Variants in TIMM50 observed in about 807,000 individuals in gnomAD.
TIMM50 encodes translocase of inner mitochondrial membrane 50.
TIMM50 carries 34 observed loss-of-function variants against 49.6 expected under a neutral mutation model. The ratio of observed to expected loss-of-function variants is 0.69; its 90% CI spans 0.52 to 0.91. The LOEUF is 0.91. Ranked by LOEUF, TIMM50 falls within the 40% of genes least tolerant of loss-of-function variation. TIMM50 has a pLI of 0.00. For missense variants in TIMM50, 458 were observed against 477.8 expected (o/e 0.96, Z 0.39); for synonymous variants, 199 against 198.4 (o/e 1.00, Z -0.03).
chr19:39,493,120 A>G lies in TIMM50; in HGVS notation c.*3300A>G, dbSNP rs1357732008. 6.6e-6 allele frequency: 1 copy of G among 151,892 alleles called. No homozygotes were observed. The highest frequency in any genetic ancestry group is 2.4e-5 in the African/African-American group (1 of 41,352). The allele number at this position is 151,892 out of a possible 1,614,324, so 9.4% of individuals were successfully genotyped here. A position where few individuals can be genotyped will look rare whatever the true frequency, so the allele number is the denominator to read the frequency against. ...TTTTTTTTTTTTTGAAGCCTCTACA[A>G]AGGATAATTAAAATTTACACCATGA... On this transcript the variant is annotated 3_prime_UTR_variant, in exon 11 of 11. Coordinates refer to ENST00000607714, the MANE Select transcript of TIMM50 (RefSeq NM_001001563.5).
chr19:39,481,785 G>A, intron 1 of TIMM50, 98 bp from the exon 2 acceptor site: 2 of 1,470,058 alleles, frequency 1.4e-6, no homozygotes, highest in Non-Finnish European at 1.8e-6. Context: ...GTGGGTGTCT[G>A]CCTCTTGGCT....
Position 39,489,918 on chromosome 19 carries a change from C to A in TIMM50, c.*98C>A. 8.7e-7 allele frequency: 1 copy of A among 1,146,382 alleles called. No individual in the cohort carries two copies. 71.0% of individuals were successfully genotyped at this position (1,146,382 alleles called of 1,614,324 possible). On this transcript the variant is annotated 3_prime_UTR_variant, in exon 11 of 11. Coordinates refer to ENST00000607714, the MANE Select transcript of TIMM50 (RefSeq NM_001001563.5). ...CTTGTCCAATAAAGTACATCCCAGA[C>A]GCCACACCTGCTGTGTCCCGAGAGT...
intron 10 of TIMM50, 139 bp from the exon 11 acceptor site, chr19:39,489,580 T>G: frequency 1.3e-6 from 1 of 797,300 alleles, no homozygotes; most frequent in Non-Finnish European, 1.9e-6. Flanking sequence ...GGCCCCAGGG[T>G]TTGGGGAAAG....
intron 4 of TIMM50, chr19:39,483,375 G>GT: frequency 4.4e-6 from 2 of 454,904 alleles, no homozygotes; most frequent in Non-Finnish European, 8.1e-6. Context: ...ACAGATGGGG[G>GT]ATTGGAGCCT....
intron 1 of TIMM50, 133 bp downstream of exon 1, chr19:39,481,094 C>T (rs1056333284): frequency 5.8e-6 from 7 of 1,197,418 alleles, no homozygotes; most frequent in African/African-American, 3.2e-5. Context: ...GTTTTGGGGC[C>T]CTTCCCAACC....
chr19:39,488,451 G>A (rs1029837638), intron 9 of TIMM50, 88 bp from the exon 10 acceptor site: 23 of 1,280,950 alleles, frequency 1.8e-5, no homozygotes, highest in East Asian at 4.6e-5. Flanking sequence ...GACTGCCCCC[G>A]TGCCCCAGTG....
In TIMM50 at chr19:39,492,888, A is replaced by AAAAAAAAAC. The variant is rs1568445572; in HGVS notation, c.*3072_*3073insAAAACAAAA. On this transcript the variant is annotated 3_prime_UTR_variant, in exon 11 of 11. Coordinates refer to ENST00000607714, the MANE Select transcript of TIMM50 (RefSeq NM_001001563.5). Reference sequence around the variant, plus strand: ...TCTGTCTCCAAAAAAAAAAAAAAAAAAAAACAAAAAAAAAACCAGTTTGAC... The same window carrying AAAAAAAAAC: ...TCTGTCTCCAAAAAAAAAAAAAAAAAAAAAAAAACAAAACAAAAAAAAAACCAGTTTGAC... The AAAAAAAAAC allele has an allele frequency of 6.9e-6, 1 of 145,274 alleles. No individual in the cohort carries two copies. Among genetic ancestry groups the AAAAAAAAAC allele is most frequent in the Non-Finnish European group, 1.5e-5 (1 of 67,270 alleles). The allele number at this position is 145,274 out of a possible 1,614,324, so 9.0% of individuals were successfully genotyped here.
chr19:39,481,292 T>A (rs947873004), intron 1 of TIMM50: 2 of 393,678 alleles, frequency 5.1e-6, no homozygotes, highest in African/African-American at 4.2e-5. Context: ...GGAGTTATTT[T>A]CTCTGTGGCG....
Position 39,493,169 on chromosome 19 carries a change from C to G in TIMM50, c.*3349C>G, listed in dbSNP as rs1467181200. 6.6e-6 allele frequency: 1 copy of G among 151,932 alleles called. No homozygotes were observed. Among genetic ancestry groups the G allele is most frequent in the African/African-American group, 2.4e-5 (1 of 41,338 alleles). The allele number at this position is 151,932 out of a possible 1,614,324, so 9.4% of individuals were successfully genotyped here. On this transcript the variant is annotated 3_prime_UTR_variant, in exon 11 of 11. Coordinates refer to ENST00000607714, the MANE Select transcript of TIMM50 (RefSeq NM_001001563.5). ...GACTCTTTGTCCTGGGGTGCACTGT[C>G]TGTAAGCCGGTGGAGTTATTTCCCA...
chr19:39,488,630 A>G lies in TIMM50; in HGVS notation c.945A>G (p.Gln315=). ...DDPLAAFKQR[Q]SRLEQEEQQR... is the part of the protein sequence containing the mutation. Reference sequence around the variant, plus strand: ...CGCTGGCGGCTTTCAAACAGCGGCAAAGCCGGCTAGAGCAGGTTGGTGCTC... The same window carrying G: ...CGCTGGCGGCTTTCAAACAGCGGCAGAGCCGGCTAGAGCAGGTTGGTGCTC... Residue 315 remains glutamine, a synonymous_variant, in exon 10 of 11, where the codon CAA becomes CAG. Transcript: ENST00000607714. 2 of 1,613,710 alleles carry G rather than the reference A, an allele frequency of 1.2e-6. No homozygotes were observed. Among genetic ancestry groups the G allele is most frequent in the South Asian group, 1.1e-5 (1 of 91,072 alleles).
chr19:39,485,616 C>G lies in TIMM50; in HGVS notation c.372+14C>G. On this transcript the variant is annotated intron_variant, in intron 5 of 10. Transcript: ENST00000607714. ...GATTATAGACAGGTGAGCAGAAGCC[C>G]TGGGCTCAGTCCCCATGTCTCCAGC... 2 of 1,614,166 alleles carry G rather than the reference C, an allele frequency of 1.2e-6. No homozygotes were observed. The highest frequency in any genetic ancestry group is 2.2e-5 in the East Asian group (1 of 44,884).
intron 8 of TIMM50, 47 bp from the exon 9 acceptor site, chr19:39,488,014 G>C (rs1568442915): frequency 1.9e-6 from 3 of 1,575,416 alleles, no homozygotes; most frequent in Non-Finnish European, 8.7e-7. Context: ...TCTTGATGGG[G>C]GGAGAGTTGG....
At chr19:39,482,762 T>G (rs1438380424) in intron 2 of TIMM50, 123 bp from the exon 3 acceptor site, 2 of 1,325,306 alleles carry the variant, frequency 1.5e-6, no homozygotes, top group African/African-American at 2.9e-5. Flanking sequence ...CTGGCTTGAC[T>G]CCAGGAGGCT....
At chr19:39,484,981 G>A (rs1284212888) in intron 4 of TIMM50, 2 of 151,714 alleles carry the variant, frequency 1.3e-5, no homozygotes, top group South Asian at 2.1e-4. Flanking sequence ...TTTCTGAGAC[G>A]GAGTCTTACT....
In TIMM50 at chr19:39,488,519, A is replaced by G. The variant is rs745978678; in HGVS notation, c.854-20A>G. The G allele has an allele frequency of 1.5e-5, 24 of 1,608,102 alleles. No individual in the cohort carries two copies. In the East Asian group the frequency reaches 4.9e-4, roughly 33 times the overall value. ...CTGGCCTTTAGAAGCCTGGCTGACC[A>G]CCCCCTGTTGTGCCCACAGCCATTG... On this transcript the variant is annotated intron_variant, in intron 9 of 10. Coordinates refer to ENST00000607714, the MANE Select transcript of TIMM50 (RefSeq NM_001001563.5).
chr19:39,486,149 TG>T, intron 6 of TIMM50, 37 bp from the exon 7 acceptor site: 1 of 1,599,810 alleles, frequency 6.3e-7, no homozygotes, highest in Non-Finnish European at 8.6e-7. Context: ...TGAGGACCTC[TG>T]GGTCTTGGTG....
chr19:39,483,309 A>G (rs1477415558), intron 4 of TIMM50, 153 bp downstream of exon 4: 3 of 970,324 alleles, frequency 3.1e-6, no homozygotes, highest in Non-Finnish European at 4.7e-6. Context: ...GGGGAGGGAC[A>G]TTACAAAGCC....
chr19:39,493,028 G>A lies in TIMM50; in HGVS notation c.*3208G>A, dbSNP rs1221071164. 1 of 151,612 alleles carries A rather than the reference G, an allele frequency of 6.6e-6. No homozygotes were observed. The highest frequency in any genetic ancestry group is 2.4e-5 in the African/African-American group (1 of 41,204). The allele number at this position is 151,612 out of a possible 1,614,324, so 9.4% of individuals were successfully genotyped here. ...AAATATTCTAAGATGACCTTCTCTG[G>A]TGTGTGTGATGATAATTAAAAGGCA... On this transcript the variant is annotated 3_prime_UTR_variant, in exon 11 of 11. Transcript: ENST00000607714.
chr19:39,489,388 G>A (rs943084182), intron 10 of TIMM50, among the ~76,000 whole-genome samples: 5 of 152,120 alleles, frequency 3.3e-5, no homozygotes, highest in African/African-American at 1.2e-4. Flanking sequence ...TGGGGAAGGA[G>A]ATTATGACAG....
Sources: gnomAD v4.1 joint callset for allele counts (sites outside exome capture counted in the v4.1 genomes callset) on GRCh38, gnomAD v4.1.1 for gene constraint, MANE v1.5 for transcripts, NCBI Gene and HGNC (gene_info 2026-07-23, HGNC 2026-07-21) for gene names.